Variants in TCF12 observed in about 807,000 individuals in gnomAD.
TCF12 encodes the protein DNA-binding protein HTF4.
A neutral mutation model predicts 86.0 loss-of-function variants in TCF12; 45 were observed. That is an observed-to-expected ratio of 0.52 (90% CI 0.41 to 0.67). The LOEUF (loss-of-function observed/expected upper bound fraction) is 0.67. Among genes scored for constraint, TCF12 ranks in the 30% least tolerant of loss-of-function variants. The pLI is 0.00. For synonymous variants in TCF12, 330 were observed against 299.6 expected (o/e 1.10, Z -1.05); for missense variants, 881 against 859.9 (o/e 1.02, Z -0.31).
chr15:57,015,461 G>T (rs1427242800), intron 3 of TCF12, among the ~76,000 whole-genome samples: 1 of 152,034 alleles, frequency 6.6e-6, no homozygotes, highest in Non-Finnish European at 1.5e-5. Context: ...CAGATGTCTT[G>T]CCCACCCCCA....
chr15:57,030,392 G>T (rs1468116940), intron 3 of TCF12, among the ~76,000 whole-genome samples: 1 of 152,104 alleles, frequency 6.6e-6, no homozygotes, highest in African/African-American at 2.4e-5. Flanking sequence ...GTGCAAGCCA[G>T]CACACCTGGC....
chr15:56,957,393 C>T (rs2061545533), intron 3 of TCF12, among the ~76,000 whole-genome samples: 1 of 152,164 alleles, frequency 6.6e-6, no homozygotes, highest in African/African-American at 2.4e-5. Flanking sequence ...CCACAGCTCA[C>T]TTCATTTAAA....
At chr15:57,240,629 C>T (rs1439875593) in intron 12 of TCF12, among the ~76,000 whole-genome samples, 2 of 152,042 alleles carry the variant, frequency 1.3e-5, no homozygotes, top group African/African-American at 4.8e-5. Context: ...CGCCTGTAAT[C>T]CCAGCACTTT....
chr15:57,046,239 C>G (rs1336782552), intron 3 of TCF12, among the ~76,000 whole-genome samples: 1 of 152,172 alleles, frequency 6.6e-6, no homozygotes, highest in Non-Finnish European at 1.5e-5. Context: ...ACATAGCTAG[C>G]AAATATCAAA....
intron 5 of TCF12, among the ~76,000 whole-genome samples, chr15:57,105,629 C>G (rs1467000415): frequency 6.6e-6 from 1 of 151,724 alleles, no homozygotes; most frequent in Non-Finnish European, 1.5e-5. Flanking sequence ...CCAGGCTGGC[C>G]TCGAACTCCT....
chr15:56,970,278 G>A (rs936634029), intron 3 of TCF12, among the ~76,000 whole-genome samples: 11 of 151,714 alleles, frequency 7.3e-5, no homozygotes, highest in African/African-American at 2.4e-4. Flanking sequence ...TCAGGAGTTC[G>A]AGGTCAGCCT....
At position 57,192,140 on chromosome 15, in the gene TCF12, C is replaced by G; in HGVS notation, c.391-18C>G. ...TATCAGCAGGAAAATAACTTGTTTCCTTGGCCTTATTTTATAGTCTAGTCT... is the reference window on the plus strand; with the variant it reads ...TATCAGCAGGAAAATAACTTGTTTCGTTGGCCTTATTTTATAGTCTAGTCT... On this transcript the variant is annotated intron_variant, in intron 6 of 20. Transcript: ENST00000333725. The G allele has an allele frequency of 6.2e-7, 1 of 1,611,406 alleles. No homozygotes were observed. The highest frequency in any genetic ancestry group is 8.5e-7 in the Non-Finnish European group (1 of 1,179,378).
At chr15:57,263,054 C>T in intron 17 of TCF12, 58 bp from the exon 18 acceptor site, 1 of 1,539,286 alleles carries the variant, frequency 6.5e-7, no homozygotes, top group Non-Finnish European at 8.7e-7. Context: ...ATTGTCTTAG[C>T]TGTAATTCAT....
At chr15:57,104,435 CTTTTTTTTTTTTT>C (rs71113062) in intron 5 of TCF12, among the ~76,000 whole-genome samples, 1 of 103,362 alleles carries the variant, frequency 9.7e-6, no homozygotes. Context: ...TTTTTTTTTT[CTTTTTTTTTTTTT>C]TTTTTTTTTT....
At chr15:56,939,231 A>G (rs1432008886) in intron 3 of TCF12, among the ~76,000 whole-genome samples, 1 of 152,212 alleles carries the variant, frequency 6.6e-6, no homozygotes, top group African/African-American at 2.4e-5. Context: ...ATACAAATGT[A>G]TACATTACAA....
chr15:57,103,005 G>A (rs1459448573), intron 5 of TCF12, among the ~76,000 whole-genome samples: 2 of 152,198 alleles, frequency 1.3e-5, no homozygotes, highest in Admixed American at 1.3e-4. Context: ...TGGCAGTTGG[G>A]CAGTCGCGTC....
intron 3 of TCF12, among the ~76,000 whole-genome samples, chr15:56,988,090 A>T (rs1336772033): frequency 1.3e-5 from 2 of 152,242 alleles, no homozygotes; most frequent in African/African-American, 4.8e-5. Context: ...CAAGAACATT[A>T]AAATACGATT....
At chr15:56,990,785 AT>A (rs1369354035) in intron 3 of TCF12, among the ~76,000 whole-genome samples, 1 of 113,818 alleles carries the variant, frequency 8.8e-6, no homozygotes, top group East Asian at 2.7e-4. Context: ...ACTCTTCAGA[AT>A]TTTTTTCTTT....
At chr15:57,170,680 A>ATT (rs1567557998) in intron 6 of TCF12, among the ~76,000 whole-genome samples, 2 of 1,188 alleles carry the variant, frequency 1.7e-3, no homozygotes, top group African/African-American at 4.7e-3. Flanking sequence ...TATATAATAT[A>ATT]TTATATATAA....
intron 5 of TCF12, among the ~76,000 whole-genome samples, chr15:57,102,578 A>G (rs914001192): frequency 1.3e-5 from 2 of 152,078 alleles, no homozygotes; most frequent in African/African-American, 4.8e-5. Flanking sequence ...AGCTTGGGTA[A>G]CAGAGCACGA....
chr15:56,982,548 A>G (rs2140893731), intron 3 of TCF12, among the ~76,000 whole-genome samples: 1 of 152,318 alleles, frequency 6.6e-6, no homozygotes, highest in Non-Finnish European at 1.5e-5. Context: ...TTTTCAGACA[A>G]ATTTGCAGAA....
intron 3 of TCF12, among the ~76,000 whole-genome samples, chr15:56,990,725 A>G (rs1313714723): frequency 1.3e-5 from 2 of 152,112 alleles, no homozygotes; most frequent in Non-Finnish European, 2.9e-5. Flanking sequence ...GCTGAGCTTT[A>G]AAAACTTTAG....
intron 3 of TCF12, among the ~76,000 whole-genome samples, chr15:56,977,828 C>T (rs547238542): frequency 4.3e-4 from 66 of 152,228 alleles, no homozygotes; most frequent in African/African-American, 1.5e-3. Context: ...AATTGTAGCA[C>T]ATATCAGAAT....
intron 3 of TCF12, among the ~76,000 whole-genome samples, chr15:56,930,411 C>T (rs2060195669): frequency 6.6e-6 from 1 of 152,200 alleles, no homozygotes; most frequent in African/African-American, 2.4e-5. Context: ...CCTGCAGGAT[C>T]CTTTTAGGTT....
Sources: allele counts gnomAD v4.1 joint callset (sites outside exome capture counted in the v4.1 genomes callset), GRCh38; gene constraint gnomAD v4.1.1; transcripts MANE v1.5; gene names NCBI Gene and HGNC (gene_info 2026-07-23, HGNC 2026-07-21).